ADGRD1: variants seen among roughly 807,000 people sequenced by gnomAD.
ADGRD1 encodes the protein adhesion G protein-coupled receptor D1, also known as G-protein coupled receptor 133.
In ADGRD1, 77 loss-of-function variants were observed where a neutral mutation model predicts 113.4. The observed-to-expected ratio is 0.68, with a 90% CI of 0.57 to 0.82. The LOEUF (loss-of-function observed/expected upper bound fraction) is 0.82, where lower values mean the gene tolerates loss of function less well. ADGRD1 is among the 40% of genes least tolerant of loss of function. The pLI is 0.00. For synonymous variants in ADGRD1, 474 were observed against 475.0 expected (o/e 1.00, Z 0.03); for missense variants, 1,036 against 1,139.1 (o/e 0.91, Z 1.30).
intron 13 of ADGRD1, among the ~76,000 whole-genome samples, chr12:131,048,316 AGCAC>A (rs1344024903): frequency 6.6e-6 from 1 of 152,204 alleles, no homozygotes; most frequent in Non-Finnish European, 1.5e-5. Context: ...CTCCCCAGGG[AGCAC>A]GTTTCCTTTC....
Position 130,990,786 on chromosome 12 carries a change from A to ATT in ADGRD1, c.746-227_746-226dup, listed in dbSNP as rs1874279594. On this transcript the variant is annotated intron_variant, in intron 6 of 24. Coordinates refer to ENST00000261654, the MANE Select transcript of ADGRD1 (RefSeq NM_198827.5). ...CTTGCATGAAGGGTGTTCAAAAGCGATTGAGAATACAAATGGAAAAGTAAT... is the reference window on the plus strand; with the variant it reads ...CTTGCATGAAGGGTGTTCAAAAGCGATTTTGAGAATACAAATGGAAAAGTAAT... 3 of 459,998 alleles carry ATT rather than the reference A, an allele frequency of 6.5e-6. 1 individual carries two copies. The East Asian group carries it at 1.1e-4, about 17-fold the overall frequency. The allele number at this position is 459,998 out of a possible 1,614,324, so 28.5% of individuals were successfully genotyped here.
chr12:131,021,503 T>C (rs934632017), intron 13 of ADGRD1, among the ~76,000 whole-genome samples: 1 of 152,168 alleles, frequency 6.6e-6, no homozygotes, highest in Non-Finnish European at 1.5e-5. Flanking sequence ...GGTCCTTTCT[T>C]ATCGCAGCAT....
At chr12:131,068,591 G>A (rs1271219803) in intron 13 of ADGRD1, among the ~76,000 whole-genome samples, 7 of 152,126 alleles carry the variant, frequency 4.6e-5, no homozygotes, top group African/African-American at 1.7e-4. Flanking sequence ...ATTCTCATGC[G>A]AAAAACCACA....
intron 21 of ADGRD1, among the ~76,000 whole-genome samples, chr12:131,135,370 A>G (rs1390587941): frequency 6.6e-6 from 1 of 152,074 alleles, no homozygotes; most frequent in Non-Finnish European, 1.5e-5. Context: ...ACGCATGCTG[A>G]TGGGGCTGGT....
At chr12:131,029,052 C>T (rs751514803) in intron 13 of ADGRD1, among the ~76,000 whole-genome samples, 3 of 152,214 alleles carry the variant, frequency 2.0e-5, no homozygotes, top group Admixed American at 1.3e-4. Context: ...TTCATAGCTG[C>T]GTAGCTTTGG....
chr12:131,009,521 G>A (rs1463254382), intron 12 of ADGRD1, among the ~76,000 whole-genome samples: 1 of 152,218 alleles, frequency 6.6e-6, no homozygotes, highest in African/African-American at 2.4e-5. Flanking sequence ...ATCATTGTTT[G>A]ATGGTTATAT....
At chr12:131,097,155 CTT>C (rs1219243459) in intron 15 of ADGRD1, among the ~76,000 whole-genome samples, 2 of 152,186 alleles carry the variant, frequency 1.3e-5, no homozygotes, top group Non-Finnish European at 2.9e-5. Flanking sequence ...ATGTTCCACT[CTT>C]TGAAAGGCTG....
At chr12:131,019,327 C>T (rs1361869297) in intron 13 of ADGRD1, among the ~76,000 whole-genome samples, 2 of 152,288 alleles carry the variant, frequency 1.3e-5, no homozygotes. Context: ...ACGCAGGAGG[C>T]CTTTCCAGCA....
chr12:131,127,560 G>T (rs1050950209), intron 20 of ADGRD1, among the ~76,000 whole-genome samples: 43 of 138,946 alleles, frequency 3.1e-4, no homozygotes, highest in East Asian at 6.7e-4. Flanking sequence ...GTGTTGGTTG[G>T]GTTGGTTGTG....
chr12:130,997,688 C>T (rs1413740055), intron 8 of ADGRD1, among the ~76,000 whole-genome samples: 7 of 151,614 alleles, frequency 4.6e-5, no homozygotes, highest in African/African-American at 9.7e-5. Flanking sequence ...GACGGGATGG[C>T]GGCCGGGCAG....
intron 2 of ADGRD1, chr12:130,956,544 G>A (rs1349743236): frequency 2.6e-5 from 4 of 152,344 alleles, no homozygotes; most frequent in African/African-American, 9.6e-5. Context: ...CGTGAATGCA[G>A]GCCTCATGGC....
chr12:131,108,861 C>T lies in ADGRD1; in HGVS notation c.2025C>T (p.Tyr675=), dbSNP rs1950290465. ...FGSEDSKHRY[Y]YGMGWGFPLL... The stretch of plus-strand genomic sequence containing the variant: ...CGGAGGACAGCAAGCACCGTTACTA[C>T]TATGGGATGGGATGGGGTAGGTGGG... Residue 675 remains tyrosine (Y), a synonymous_variant, in exon 18 of 25, where the codon TAC becomes TAT. Transcript: ENST00000261654. 1 of 1,570,336 alleles carries T rather than the reference C, an allele frequency of 6.4e-7. No homozygotes were observed. The highest frequency in any genetic ancestry group is 2.4e-5 in the East Asian group (1 of 42,356).
intron 8 of ADGRD1, among the ~76,000 whole-genome samples, chr12:130,996,726 C>T: frequency 1.0e-5 from 1 of 95,582 alleles, no homozygotes; most frequent in Non-Finnish European, 2.3e-5. Flanking sequence ...CCACCACCCT[C>T]CCGGACGGGG....
intron 2 of ADGRD1, among the ~76,000 whole-genome samples, chr12:130,961,404 T>C (rs530779901): frequency 6.6e-6 from 1 of 151,148 alleles, no homozygotes; most frequent in Non-Finnish European, 1.5e-5. Flanking sequence ...TGCCCTTTCC[T>C]CTCTCTCTCT....
At chr12:131,020,793 C>T (rs1050294959) in intron 13 of ADGRD1, among the ~76,000 whole-genome samples, 3 of 152,258 alleles carry the variant, frequency 2.0e-5, no homozygotes, top group African/African-American at 7.2e-5. Context: ...GTGTGGCTCT[C>T]AGGGGCCAGG....
chr12:131,083,279 C>A (rs2137203778), intron 14 of ADGRD1, among the ~76,000 whole-genome samples: 1 of 152,076 alleles, frequency 6.6e-6, no homozygotes, highest in South Asian at 2.1e-4. Flanking sequence ...CAGGGAAGAA[C>A]CATTTAAATC....
chr12:131,092,387 T>C (rs1458773841), intron 15 of ADGRD1, among the ~76,000 whole-genome samples: 1 of 152,178 alleles, frequency 6.6e-6, no homozygotes, highest in Non-Finnish European at 1.5e-5. Flanking sequence ...GCTCAGGGTG[T>C]GCAGGCCAGG....
rs1234110102 is a variant in ADGRD1, at chr12:130,954,757, G to A, written c.103+97G>A. ...ACTTGTTCATCTCTGAGGCATCAGC[G>A]AATGGCCCTTGTTGGGCTCCTGGTC... On this transcript the variant is annotated intron_variant, in intron 2 of 24. Coordinates refer to ENST00000261654, the MANE Select transcript of ADGRD1 (RefSeq NM_198827.5). The surrounding 1 kb of genome is among the most constrained non-coding windows in gnomAD (Gnocchi z 4.7). 7.5e-6 allele frequency: 9 copies of A among 1,204,230 alleles called. No individual in the cohort carries two copies. Among genetic ancestry groups the A allele is most frequent in the African/African-American group, 1.5e-5 (1 of 67,348 alleles). The allele number at this position is 1,204,230 out of a possible 1,614,324, so 74.6% of individuals were successfully genotyped here. A position where few individuals can be genotyped will look rare whatever the true frequency, so the allele number is the denominator to read the frequency against.
chr12:131,137,463 T>TG (rs1300415560), intron 23 of ADGRD1, among the ~76,000 whole-genome samples: 1 of 152,196 alleles, frequency 6.6e-6, no homozygotes, highest in Non-Finnish European at 1.5e-5. Flanking sequence ...TGTACTTGGC[T>TG]GGGGGGAGGT....
Sources: gnomAD v4.1 joint callset for allele counts (sites outside exome capture counted in the v4.1 genomes callset) on GRCh38, gnomAD v4.1.1 for gene constraint, Gnocchi (gnomAD v3.1) non-coding constraint, MANE v1.5 for transcripts, NCBI Gene and HGNC (gene_info 2026-07-23, HGNC 2026-07-21) for gene names.